CNTNAP2: variants seen among roughly 807,000 people sequenced by gnomAD.
CNTNAP2 encodes contactin-associated protein-like 2.
A neutral mutation model predicts 155.2 loss-of-function variants in CNTNAP2; 98 were observed. The observed-to-expected ratio is 0.63, with a 90% CI of 0.54 to 0.75. The LOEUF (loss-of-function observed/expected upper bound fraction) is 0.75. CNTNAP2 is among the 30% of genes least tolerant of loss of function. The pLI is 0.00. For synonymous variants in CNTNAP2, 651 were observed against 631.2 expected (o/e 1.03, Z -0.47); for missense variants, 1,727 against 1,688.1 (o/e 1.02, Z -0.40).
At chr7:147,856,642 T>TTTC (rs1215503815) in intron 13 of CNTNAP2, among the ~76,000 whole-genome samples, 1 of 149,318 alleles carries the variant, frequency 6.7e-6, no homozygotes, top group Non-Finnish European at 1.5e-5. Flanking sequence ...TTTTTTTTTT[T>TTTC]CTGCTCTAGA....
chr7:146,747,332 G>A (rs544036763), intron 1 of CNTNAP2, among the ~76,000 whole-genome samples: 5 of 152,252 alleles, frequency 3.3e-5, no homozygotes, highest in African/African-American at 1.2e-4. Flanking sequence ...AGGATATGGC[G>A]TAGAATTTAG....
chr7:147,022,464 C>T (rs1798833176), intron 3 of CNTNAP2, among the ~76,000 whole-genome samples: 1 of 152,044 alleles, frequency 6.6e-6, no homozygotes, highest in African/African-American at 2.4e-5. Context: ...GGGTTATCTA[C>T]AAACATAATA....
chr7:146,356,052 T>TACACAC (rs68125550), intron 1 of CNTNAP2, among the ~76,000 whole-genome samples: 82 of 144,200 alleles, frequency 5.7e-4, no homozygotes, highest in East Asian at 2.3e-3. Flanking sequence ...TACATACGAA[T>TACACAC]ACACACACAC....
intron 13 of CNTNAP2, among the ~76,000 whole-genome samples, chr7:147,851,678 C>G (rs555372846): frequency 8.7e-5 from 13 of 149,156 alleles, no homozygotes; most frequent in African/African-American, 3.2e-4. Flanking sequence ...CCAAACACCA[C>G]GTGTTCTCAC....
intron 12 of CNTNAP2, among the ~76,000 whole-genome samples, chr7:147,636,077 A>G (rs1299720457): frequency 6.6e-6 from 1 of 152,246 alleles, no homozygotes; most frequent in Non-Finnish European, 1.5e-5. Flanking sequence ...ATCATGTCAG[A>G]AAGTGACAGA....
intron 1 of CNTNAP2, among the ~76,000 whole-genome samples, chr7:146,422,590 C>T (rs952788346): frequency 2.6e-5 from 4 of 151,794 alleles, no homozygotes; most frequent in Non-Finnish European, 5.9e-5. Context: ...TGCCTTATAG[C>T]ACACAACACA....
At chr7:148,337,209 G>C (rs528455318) in intron 21 of CNTNAP2, among the ~76,000 whole-genome samples, 7 of 151,994 alleles carry the variant, frequency 4.6e-5, no homozygotes. Context: ...GGCCCCTGCT[G>C]CTCCCCCTCC....
intron 1 of CNTNAP2, among the ~76,000 whole-genome samples, chr7:146,283,684 T>G (rs2129085245): frequency 6.6e-6 from 1 of 152,354 alleles, no homozygotes; most frequent in African/African-American, 2.4e-5. Context: ...TTTTTAAAAT[T>G]TTTATCTACA....
At chr7:146,494,790 A>G (rs1388680829) in intron 1 of CNTNAP2, among the ~76,000 whole-genome samples, 2 of 152,262 alleles carry the variant, frequency 1.3e-5, no homozygotes, top group Admixed American at 1.3e-4. Flanking sequence ...GCTTTAAAAT[A>G]CATTTACTAC....
chr7:146,581,316 GAAT>G (rs1174654558), intron 1 of CNTNAP2, among the ~76,000 whole-genome samples: 1 of 152,024 alleles, frequency 6.6e-6, no homozygotes, highest in Admixed American at 6.6e-5. Context: ...AGAAAGGTCA[GAAT>G]CAGCCATCTC....
chr7:147,963,159 G>C (rs6962266), intron 14 of CNTNAP2, among the ~76,000 whole-genome samples: 8 of 151,970 alleles, frequency 5.3e-5, no homozygotes, highest in Non-Finnish European at 1.2e-4. Flanking sequence ...TAATTATAAA[G>C]AGTATTACAT....
intron 1 of CNTNAP2, among the ~76,000 whole-genome samples, chr7:146,640,900 T>C (rs11978947): frequency 0.18 from 27,491 of 152,104 alleles, 2,964 homozygotes; most frequent in East Asian, 0.49. Context: ...AATAAACAAA[T>C]GTAAGGAAGA....
chr7:146,981,850 C>T (rs1435415246), intron 3 of CNTNAP2, among the ~76,000 whole-genome samples: 1 of 152,210 alleles, frequency 6.6e-6, no homozygotes, highest in African/African-American at 2.4e-5. Context: ...CAGGAGTTAG[C>T]AAACCTTATA....
chr7:146,852,501 C>T (rs903409794), intron 3 of CNTNAP2, among the ~76,000 whole-genome samples: 3 of 152,104 alleles, frequency 2.0e-5, no homozygotes, highest in Non-Finnish European at 4.4e-5. Context: ...AATGTTTGGC[C>T]TTAAAAATCA....
chr7:147,002,944 CAA>C (rs773401142), intron 3 of CNTNAP2, among the ~76,000 whole-genome samples: 17 of 52,940 alleles, frequency 3.2e-4, no homozygotes, highest in East Asian at 2.1e-3. Context: ...ATGTTCCTTC[CAA>C]AAAAAAAAAA....
intron 14 of CNTNAP2, among the ~76,000 whole-genome samples, chr7:147,927,979 GTGGTGGGAGGGACC>G (rs1428741350): frequency 5.9e-5 from 9 of 152,212 alleles, no homozygotes; most frequent in Non-Finnish European, 1.5e-5. Flanking sequence ...ATTCCCACAT[GTGGTGGGAGGGACC>G]TGGTGGGAGA....
At chr7:148,120,505 A>C (rs549213945) in intron 16 of CNTNAP2, among the ~76,000 whole-genome samples, 8 of 151,966 alleles carry the variant, frequency 5.3e-5, no homozygotes, top group Non-Finnish European at 1.0e-4. Context: ...GGGCTCAGGC[A>C]GTGTGCCTGC....
intron 3 of CNTNAP2, among the ~76,000 whole-genome samples, chr7:146,893,499 A>AGAG (rs1795820368): frequency 6.6e-6 from 1 of 150,632 alleles, no homozygotes; most frequent in Admixed American, 6.6e-5. Flanking sequence ...AGAGAGAGAG[A>AGAG]AATATTTTGT....
intron 1 of CNTNAP2, among the ~76,000 whole-genome samples, chr7:146,245,171 G>A (rs1292399910): frequency 6.6e-6 from 1 of 152,088 alleles, no homozygotes; most frequent in Admixed American, 6.5e-5. Context: ...GAACAGGAAA[G>A]AAGGAAATAT....
Sources: allele counts gnomAD v4.1 joint callset (sites outside exome capture counted in the v4.1 genomes callset), GRCh38; gene constraint gnomAD v4.1.1; transcripts MANE v1.5; gene names NCBI Gene and HGNC (gene_info 2026-07-23, HGNC 2026-07-21).